The following PCDHGB1 variants were observed in gnomAD, a reference collection of about 807,000 sequenced individuals.
The protein encoded by PCDHGB1 is protocadherin gamma subfamily B, 1, also known as protocadherin gamma-B1.
In PCDHGB1, 34 loss-of-function variants were observed where a neutral mutation model predicts 56.6. That is an observed-to-expected ratio of 0.60 (90% confidence interval 0.46 to 0.80). PCDHGB1 has a LOEUF of 0.80. PCDHGB1 is among the 30% of genes least tolerant of loss of function. The pLI is 0.00. For synonymous variants in PCDHGB1, 561 were observed against 505.9 expected (o/e 1.11, Z -1.46); for missense variants, 1,278 against 1,204.6 (o/e 1.06, Z -0.90).
chr5:141,405,593 C>T (rs1262163993), intron 1 of PCDHGB1: 1 of 579,000 alleles, frequency 1.7e-6, no homozygotes, highest in African/African-American at 1.9e-5. Context: ...TACAGGCCTC[C>T]CAAGTAGAAT....
In PCDHGB1 at chr5:141,510,932, CCT is replaced by C. The variant is rs753455267; in HGVS notation, c.2558-12_2558-11del. 6 of 1,613,998 alleles carry C rather than the reference CCT, an allele frequency of 3.7e-6. No homozygotes were observed. The highest frequency in any genetic ancestry group is 1.1e-5 in the South Asian group (1 of 91,082). ...CTAAGTTTAGCTCCCACCTGATCTTCCTCTGTCTCTGCAGAAGCTGCTGATGG... is the reference window on the plus strand; with the variant it reads ...CTAAGTTTAGCTCCCACCTGATCTTCCTGTCTCTGCAGAAGCTGCTGATGG... On this transcript the variant is annotated splice_polypyrimidine_tract_variant and intron_variant, in intron 3 of 3. Coordinates refer to ENST00000523390, the MANE Select transcript of PCDHGB1 (RefSeq NM_018922.3).
chr5:141,366,207 T>G, intron 1 of PCDHGB1: 1 of 1,613,790 alleles, frequency 6.2e-7, no homozygotes, highest in Non-Finnish European at 8.5e-7. Context: ...ACGGGCGAGG[T>G]GCGCACAGCG....
intron 1 of PCDHGB1, chr5:141,415,644 A>G: frequency 6.2e-7 from 1 of 1,600,070 alleles, no homozygotes; most frequent in Non-Finnish European, 8.5e-7. Flanking sequence ...CTTTTGTTAA[A>G]AAAAAAAAGA....
At chr5:141,506,308 G>A (rs941724820) in intron 3 of PCDHGB1, among the ~76,000 whole-genome samples, 8 of 152,100 alleles carry the variant, frequency 5.3e-5, no homozygotes. Flanking sequence ...AATTAGCTGG[G>A]CATGGTGGTG....
At position 141,351,054 on chromosome 5, in the gene PCDHGB1, A is replaced by C. The variant is rs777091464; in HGVS notation, c.794A>C (p.Asp265Ala). 13 of 1,613,938 alleles carry C rather than the reference A, an allele frequency of 8.1e-6. No individual in the cohort carries two copies. In the Admixed American group the frequency reaches 8.3e-5, roughly 10 times the overall value. ...GTSVLRVMAT[D>A]QDEGINAEIT... ...TCCGTGCTGCGGGTGATGGCCACAG[A>C]CCAGGATGAGGGCATTAATGCAGAG... The change falls in exon 1 of 4, where the codon GAC (aspartate) becomes GCC (alanine). Residue 265 changes from aspartate to alanine, a missense_variant. Transcript: ENST00000523390.
chr5:141,445,341 A>G (rs1165606147), intron 1 of PCDHGB1, among the ~76,000 whole-genome samples: 2 of 152,218 alleles, frequency 1.3e-5, no homozygotes, highest in African/African-American at 4.8e-5. Context: ...AACAGTAAAC[A>G]TTGGTGTCTG....
chr5:141,438,635 TACACAC>T (rs56854727), intron 1 of PCDHGB1, among the ~76,000 whole-genome samples: 557 of 33,182 alleles, frequency 0.017, 8 homozygotes, highest in South Asian at 0.028. Flanking sequence ...TATATATATA[TACACAC>T]ACACACACAC....
rs1267617024 is a variant in PCDHGB1 at position 141,476,542 on chromosome 5, G to T, written c.2410-18265G>T. The T allele has an allele frequency of 6.2e-7, 1 of 1,614,210 alleles. No individual in the cohort carries two copies. The highest frequency in any genetic ancestry group is 1.7e-5 in the Admixed American group (1 of 60,036). On this transcript the variant is annotated intron_variant, in intron 1 of 3. Transcript: ENST00000523390. This position sits in a 1 kb window ranked among gnomAD's most constrained non-coding sequence, Gnocchi z 7.6. ...CTTTCCCTACCCAGGAAATGAAATT[G>T]GAGATTAGCGAGGCCGTGGCTCCGG...
chr5:141,388,778 A>G, intron 1 of PCDHGB1: 1 of 1,613,944 alleles, frequency 6.2e-7, no homozygotes, highest in Non-Finnish European at 8.5e-7. Flanking sequence ...ACACCGGGGA[A>G]ATTACTGTTT....
At chr5:141,469,233 C>T (rs2099194657) in intron 1 of PCDHGB1, among the ~76,000 whole-genome samples, 1 of 149,878 alleles carries the variant, frequency 6.7e-6, no homozygotes, top group African/African-American at 2.5e-5. Context: ...GCCATGATCA[C>T]CCCACTGCAC....
intron 1 of PCDHGB1, chr5:141,430,826 C>A: frequency 6.4e-7 from 1 of 1,550,416 alleles, no homozygotes; most frequent in Non-Finnish European, 8.7e-7. Flanking sequence ...CCTGGGGACT[C>A]TGTGGGAGAC....
intron 1 of PCDHGB1, chr5:141,374,616 T>G: frequency 6.2e-7 from 1 of 1,613,518 alleles, no homozygotes; most frequent in South Asian, 1.1e-5. Flanking sequence ...AATAGTCACT[T>G]CTCAGTGGAC....
In PCDHGB1 at chr5:141,362,588, G is replaced by T. The variant is rs79703171; in HGVS notation, c.2409+9919G>T. The T allele has an allele frequency of 1.7e-3, 2,783 of 1,592,322 alleles. 42 individuals carry two copies. In the African/African-American group the frequency reaches 0.031, roughly 18 times the overall value. On this transcript the variant is annotated intron_variant, in intron 1 of 3. Coordinates refer to ENST00000523390, the MANE Select transcript of PCDHGB1 (RefSeq NM_018922.3). ...TTTAATTAATTTATTTTCACTTCTG[G>T]TTTTATTGTTTCACCTAATTTGGGT...
chr5:141,475,908 A>G (rs531350638), intron 1 of PCDHGB1: 110 of 585,688 alleles, frequency 1.9e-4, no homozygotes, highest in Non-Finnish European at 2.5e-4. Context: ...CTGTCGGCCA[A>G]TGAAGACGCT....
chr5:141,432,873 T>G lies in PCDHGB1; in HGVS notation c.2410-61934T>G, dbSNP rs753576338. The stretch of plus-strand genomic sequence containing the variant: ...GTGGCCGCGGTCTCCTGCGTCTTCC[T>G]GGCCTTCGTCATCTTGCTGCTGGCG... On this transcript the variant is annotated intron_variant, in intron 1 of 3. Transcript: ENST00000523390. This position sits in a 1 kb window ranked among gnomAD's most constrained non-coding sequence, Gnocchi z 6.0. 4 of 1,614,204 alleles carry G rather than the reference T, an allele frequency of 2.5e-6. No homozygotes were observed. The highest frequency in any genetic ancestry group is 3.4e-6 in the Non-Finnish European group (4 of 1,180,014).
At chr5:141,364,167 G>A in intron 1 of PCDHGB1, 1 of 724,670 alleles carries the variant, frequency 1.4e-6, no homozygotes, top group Non-Finnish European at 2.0e-6. Context: ...GAGGCGACCC[G>A]ACTCTGCTCC....
Position 141,486,390 on chromosome 5 carries a change from C to G in PCDHGB1, c.2410-8417C>G. 6.2e-7 allele frequency: 1 copy of G among 1,614,138 alleles called. No individual in the cohort carries two copies. The highest frequency in any genetic ancestry group is 8.5e-7 in the Non-Finnish European group (1 of 1,179,996). Reference sequence around the variant, plus strand: ...AAGTCTGCCTTCAGGAACCAGTTCTCCCTGGTGACTGCTGGACCCTTGGAT... The same window carrying G: ...AAGTCTGCCTTCAGGAACCAGTTCTGCCTGGTGACTGCTGGACCCTTGGAT... On this transcript the variant is annotated intron_variant, in intron 1 of 3. Coordinates refer to ENST00000523390, the MANE Select transcript of PCDHGB1 (RefSeq NM_018922.3). This position sits in a 1 kb window ranked among gnomAD's most constrained non-coding sequence, Gnocchi z 5.0.
rs377438861 is a variant in PCDHGB1, at chr5:141,364,705, T to G, written c.2409+12036T>G. The G allele has an allele frequency of 8.1e-6, 13 of 1,613,854 alleles. No individual in the cohort carries two copies. The highest frequency in any genetic ancestry group is 6.8e-6 in the Non-Finnish European group (8 of 1,179,894). Reference sequence around the variant, plus strand: ...ATGGAGTAGAAGTAGAAATAATCGATATTAATGATAACTTCCCGCGTTTCC... The same window carrying G: ...ATGGAGTAGAAGTAGAAATAATCGAGATTAATGATAACTTCCCGCGTTTCC... On this transcript the variant is annotated intron_variant, in intron 1 of 3. Transcript: ENST00000523390.
At chr5:141,356,493 A>C in intron 1 of PCDHGB1, 1 of 1,613,938 alleles carries the variant, frequency 6.2e-7, no homozygotes, top group Non-Finnish European at 8.5e-7. Flanking sequence ...GAACTCCTCC[A>C]CTGTCTACAG....
Sources: gnomAD v4.1 joint callset for allele counts (sites outside exome capture counted in the v4.1 genomes callset) on GRCh38, gnomAD v4.1.1 for gene constraint, Gnocchi (gnomAD v3.1) non-coding constraint, MANE v1.5 for transcripts, NCBI Gene and HGNC (gene_info 2026-07-23, HGNC 2026-07-21) for gene names.